The following COL11A1 variants were observed in gnomAD, a reference collection of about 807,000 sequenced individuals.
COL11A1 encodes the protein collagen alpha-1(XI) chain.
COL11A1 carries 74 observed loss-of-function variants against 265.2 expected under a neutral mutation model. That is an observed-to-expected ratio of 0.28 (90% CI 0.23 to 0.34). COL11A1 has a LOEUF of 0.34. Among genes scored for constraint, COL11A1 ranks in the 10% least tolerant of loss-of-function variants. The probability of loss-of-function intolerance (pLI) is 1.00; values close to 1 mark genes in which losing one functional copy is unlikely to be tolerated. For missense variants in COL11A1, 2,165 were observed against 2,263.6 expected (o/e 0.96, Z 0.88); for synonymous variants, 816 against 727.6 (o/e 1.12, Z -1.96).
chr1:102,899,072 A>T, intron 54 of COL11A1, 78 bp from the exon 55 acceptor site: 1 of 771,588 alleles, frequency 1.3e-6, no homozygotes, highest in South Asian at 2.6e-5. Context: ...ACAAACACTA[A>T]ACTTTAGTTT....
At chr1:103,016,954 G>T (rs1019873178) in intron 11 of COL11A1, among the ~76,000 whole-genome samples, 2 of 151,850 alleles carry the variant, frequency 1.3e-5, no homozygotes, top group African/African-American at 2.4e-5. Flanking sequence ...ACCTGATATA[G>T]AGTTTAAGGT....
intron 4 of COL11A1, among the ~76,000 whole-genome samples, chr1:103,065,072 T>G (rs1670995443): frequency 6.6e-6 from 1 of 152,176 alleles, no homozygotes; most frequent in Non-Finnish European, 1.5e-5. Flanking sequence ...CAATGTAGTT[T>G]CATCTGTTGT....
chr1:103,021,225 G>A (rs897685864), intron 9 of COL11A1, among the ~76,000 whole-genome samples: 1 of 151,424 alleles, frequency 6.6e-6, no homozygotes, highest in African/African-American at 2.4e-5. Flanking sequence ...GTGAATTAGA[G>A]ATTCTTCTGT....
At position 103,018,816 on chromosome 1, in the gene COL11A1, A is replaced by ACTGCAGGTC. The variant is rs1417844465; in HGVS notation, c.1343_1350+1dup. The ACTGCAGGTC allele has an allele frequency of 6.2e-7, 1 of 1,610,060 alleles. No individual in the cohort carries two copies. Among genetic ancestry groups the ACTGCAGGTC allele is most frequent in the African/African-American group, 1.3e-5 (1 of 74,812 alleles). On this transcript the variant is annotated splice_donor_variant, in intron 10 of 66. Transcript: ENST00000370096. LOFTEE classifies it high-confidence loss of function. ...AAAAATAATCTTAAAACATTTACAT[A>ACTGCAGGTC]CTGCAGGTCCTGCTGGTCCTGGTGG...
At chr1:103,010,381 C>T (rs1203621898) in intron 14 of COL11A1, among the ~76,000 whole-genome samples, 1 of 152,064 alleles carries the variant, frequency 6.6e-6, no homozygotes, top group African/African-American at 2.4e-5. Context: ...TTTTTTCTCT[C>T]AATACCTACC....
Position 102,899,002 on chromosome 1 carries a change from C to A in COL11A1, c.4087-8G>T. 6.6e-7 allele frequency: 1 copy of A among 1,511,450 alleles called. No individual in the cohort carries two copies. Among genetic ancestry groups the A allele is most frequent in the Non-Finnish European group, 9.0e-7 (1 of 1,115,094 alleles). 93.6% of individuals were successfully genotyped at this position (1,511,450 alleles called of 1,614,324 possible). On this transcript the variant is annotated splice_region_variant and splice_polypyrimidine_tract_variant and intron_variant, in intron 54 of 66. Transcript: ENST00000370096. ...TGCAGCTCCAGGAGGACCCTATAGACATAAGATTTATTGTAAAATATGTAT... is the reference window on the plus strand; with the variant it reads ...TGCAGCTCCAGGAGGACCCTATAGAAATAAGATTTATTGTAAAATATGTAT...
intron 9 of COL11A1, among the ~76,000 whole-genome samples, chr1:103,020,985 A>G (rs1285617867): frequency 7.0e-6 from 1 of 143,854 alleles, no homozygotes; most frequent in Non-Finnish European, 1.5e-5. Context: ...ATCTACAACT[A>G]TCTTTTTATT....
At chr1:103,039,134 G>A (rs35872185) in intron 4 of COL11A1, among the ~76,000 whole-genome samples, 12,301 of 152,182 alleles carry the variant, frequency 0.081, 561 homozygotes, top group Middle Eastern at 0.16. Flanking sequence ...TTAAGACAGT[G>A]ACTTTTATTT....
intron 54 of COL11A1, among the ~76,000 whole-genome samples, chr1:102,900,847 T>A (rs2100938304): frequency 6.6e-6 from 1 of 152,204 alleles, no homozygotes; most frequent in East Asian, 1.9e-4. Flanking sequence ...TTTGTTCTGT[T>A]CTTTTTCTCA....
intron 24 of COL11A1, chr1:103,001,032 T>A: frequency 2.5e-6 from 1 of 394,542 alleles, no homozygotes; most frequent in Non-Finnish European, 4.5e-6. Flanking sequence ...AATCATAAAT[T>A]TATTCATAAG....
At chr1:102,917,113 C>A (rs1655429308) in intron 49 of COL11A1, among the ~76,000 whole-genome samples, 1 of 151,606 alleles carries the variant, frequency 6.6e-6, no homozygotes, top group Non-Finnish European at 1.5e-5. Flanking sequence ...CAATCTTAAG[C>A]AAAAAGAACA....
intron 13 of COL11A1, among the ~76,000 whole-genome samples, chr1:103,013,966 A>T (rs900186830): frequency 2.6e-5 from 4 of 152,046 alleles, no homozygotes; most frequent in Non-Finnish European, 1.5e-5. Flanking sequence ...GCTTTAAACT[A>T]AAAAACATAA....
At chr1:102,986,714 G>A (rs1055848305) in intron 30 of COL11A1, among the ~76,000 whole-genome samples, 8 of 151,896 alleles carry the variant, frequency 5.3e-5, no homozygotes, top group Admixed American at 1.3e-4. Context: ...TGTCATCATA[G>A]ACAAATGTTA....
At chr1:103,104,488 C>T (rs546158791) in intron 1 of COL11A1, among the ~76,000 whole-genome samples, 4 of 152,238 alleles carry the variant, frequency 2.6e-5, no homozygotes, top group East Asian at 3.9e-4. Context: ...ATACATTTCT[C>T]ACTTTGCTAC....
At chr1:103,019,470 T>A (rs971027341) in intron 9 of COL11A1, among the ~76,000 whole-genome samples, 4 of 152,188 alleles carry the variant, frequency 2.6e-5, no homozygotes, top group African/African-American at 4.8e-5. Context: ...AAACTTTTTA[T>A]AATAAGGACT....
Position 103,017,811 on chromosome 1 carries a change from T to C in COL11A1, c.1413+9A>G. 1 of 1,610,130 alleles carries C rather than the reference T, an allele frequency of 6.2e-7. No homozygotes were observed. On this transcript the variant is annotated intron_variant, in intron 11 of 66. Transcript: ENST00000370096. ...CATTTGTAATGAGATATCATGTCCA[T>C]TCACTTACCCTATCGCCAGGGTCAC...
At chr1:102,989,727 C>T (rs1020545960) in intron 28 of COL11A1, among the ~76,000 whole-genome samples, 156 bp from the exon 29 acceptor site, 6 of 152,038 alleles carry the variant, frequency 3.9e-5, no homozygotes, top group African/African-American at 1.4e-4. Context: ...TTTTCCAACT[C>T]CAGCCACAGA....
Position 103,008,475 on chromosome 1 carries a change from A to T in COL11A1, c.1671T>A (p.Asp557Glu), listed in dbSNP as rs536836897. ...GSSGAKGESGDPGPQGPRGVQ... is the reference protein window; with the variant it reads ...GSSGAKGESGEPGPQGPRGVQ... ...TTTTATTTTTTACCTGAGGACCTGGATCACCACTCTCACCTTTGGCCCCAG... is the reference window on the plus strand; with the variant it reads ...TTTTATTTTTTACCTGAGGACCTGGTTCACCACTCTCACCTTTGGCCCCAG... Residue 557 changes from aspartate to glutamate, a missense_variant, in exon 15 of 67, where the codon GAT becomes GAA. Coordinates refer to ENST00000370096, the MANE Select transcript of COL11A1 (RefSeq NM_001854.4). 1 of 1,613,818 alleles carries T rather than the reference A, an allele frequency of 6.2e-7. No homozygotes were observed. The highest frequency in any genetic ancestry group is 1.3e-5 in the African/African-American group (1 of 75,020).
At chr1:103,094,829 G>T (rs1043410029) in intron 1 of COL11A1, among the ~76,000 whole-genome samples, 3 of 152,046 alleles carry the variant, frequency 2.0e-5, no homozygotes, top group Admixed American at 1.3e-4. Context: ...TAGTAATGAA[G>T]TCTTAGGGGA....
Sources: allele counts gnomAD v4.1 joint callset (sites outside exome capture counted in the v4.1 genomes callset), GRCh38; gene constraint gnomAD v4.1.1; transcripts MANE v1.5; gene names NCBI Gene and HGNC (gene_info 2026-07-23, HGNC 2026-07-21).